PABPN1L: variants seen among roughly 807,000 people sequenced by gnomAD.
The protein encoded by PABPN1L is embryonic polyadenylate-binding protein 2.
PABPN1L carries 45 observed loss-of-function variants against 34.0 expected under a neutral mutation model. The ratio of observed to expected loss-of-function variants is 1.32; its 90% CI spans 1.04 to 1.70. PABPN1L has a LOEUF of 1.70. Ranked by LOEUF, PABPN1L falls within the 40% of genes most tolerant of loss-of-function variation. The probability of loss-of-function intolerance (pLI) is 0.00; values close to 1 mark genes in which losing one functional copy is unlikely to be tolerated. For synonymous variants in PABPN1L, 182 were observed against 152.1 expected (o/e 1.20, Z -1.45); for missense variants, 459 against 367.8 (o/e 1.25, Z -2.03).
intron 2 of PABPN1L, 28 bp downstream of exon 2, chr16:88,865,778 G>A: frequency 6.3e-7 from 1 of 1,587,404 alleles, no homozygotes. Context: ...TTGCTCAGTG[G>A]GGGGCGGCCT....
Position 88,865,547 on chromosome 16 carries a change from C to G in PABPN1L, c.459+16G>C, listed in dbSNP as rs376402718. 6.2e-7 allele frequency: 1 copy of G among 1,609,082 alleles called. No individual in the cohort carries two copies. Among genetic ancestry groups the G allele is most frequent in the South Asian group, 1.1e-5 (1 of 90,070 alleles). On this transcript the variant is annotated intron_variant, in intron 3 of 6. Coordinates refer to ENST00000419291, the Ensembl canonical transcript of PABPN1L. ...CCCCATTCGCTGCCTGCCCCTTCAC[C>G]CCGCCCACCACTCACGTTGCCCACG...
rs779605338 is a variant in PABPN1L, at chr16:88,865,047, CA to C, written c.540del (p.Cys180TrpfsTer14). The C allele has an allele frequency of 2.5e-6, 4 of 1,600,360 alleles. No individual in the cohort carries two copies. Among genetic ancestry groups the C allele is most frequent in the Non-Finnish European group, 3.4e-6 (4 of 1,174,074 alleles). ...CCCTTGGGGTGTCCAGAGAACTTGT[CA>C]CACAGGATCGTGACTCGGTGGACCT... On this transcript the variant is annotated frameshift_variant, in exon 4 of 7. Transcript: ENST00000419291. LOFTEE classifies it high-confidence loss of function.
rs1205966596 is a variant in PABPN1L at position 88,865,909 on chromosome 16, G to A, written c.288C>T (p.Ala96=). ...GTGGCGTCCCCTCGGCCTGCTCCATGGCACACACCTTCATCTTGATGGCCT... is the reference window on the plus strand; with the variant it reads ...GTGGCGTCCCCTCGGCCTGCTCCATAGCACACACCTTCATCTTGATGGCCT... The change falls in exon 2 of 7, where the codon GCC becomes GCT. Residue 96 remains alanine, a synonymous_variant. Coordinates refer to ENST00000419291, the Ensembl canonical transcript of PABPN1L. The A allele has an allele frequency of 2.5e-6, 4 of 1,609,140 alleles. No individual in the cohort carries two copies. In the South Asian group the frequency reaches 3.3e-5, roughly 13 times the overall value.
exon 6 of PABPN1L, chr16:88,864,286 G>C (rs1296189539): frequency 1.9e-6 from 3 of 1,552,686 alleles, no homozygotes; most frequent in East Asian, 2.4e-5. Flanking sequence ...AGGCCGCTGT[G>C]GGGGAAGGGT....
chr16:88,866,595 G>A, exon 1 of PABPN1L: 1 of 1,548,314 alleles, frequency 6.5e-7, no homozygotes, highest in South Asian at 1.2e-5. Context: ...AGCGGCTCGG[G>A]AAGGGCCACA....
At chr16:88,866,242 C>T (rs972342812) in intron 1 of PABPN1L, 110 bp downstream of exon 1, 13 of 1,442,048 alleles carry the variant, frequency 9.0e-6, no homozygotes, top group Non-Finnish European at 1.2e-5. Context: ...GGCAATGGCC[C>T]TCTCCCCTCC....
chr16:88,868,475 G>A (rs1351248060), upstream of PABPN1L, among the ~76,000 whole-genome samples: 3 of 152,118 alleles, frequency 2.0e-5, no homozygotes, highest in East Asian at 1.9e-4. Flanking sequence ...GCATGGTGGC[G>A]GGCGCCTGTA....
At chr16:88,864,776 G>A in intron 5 of PABPN1L, 77 bp downstream of exon 5, 1 of 1,428,762 alleles carries the variant, frequency 7.0e-7, no homozygotes, top group Non-Finnish European at 9.6e-7. Flanking sequence ...GAGCCAGCTG[G>A]GGCTGCTGTG....
exon 5 of PABPN1L, chr16:88,864,911 C>G (rs755491224): frequency 6.7e-7 from 1 of 1,484,084 alleles, no homozygotes; most frequent in Non-Finnish European, 9.1e-7. Context: ...CTGCACGGAG[C>G]CCTTGGTGGC....
Position 88,866,511 on chromosome 16 carries a change from G to C in PABPN1L, c.96C>G (p.Ala32=), listed in dbSNP as rs1202692365. 3.9e-6 allele frequency: 6 copies of C among 1,551,178 alleles called. No homozygotes were observed. In the South Asian group the frequency reaches 7.1e-5, roughly 18 times the overall value. ...CCAGAATCTCCTTGGTCTCGTTCCAGGCCCCCCAGCCCTGGGCCTCAGGGT... is the reference window on the plus strand; with the variant it reads ...CCAGAATCTCCTTGGTCTCGTTCCACGCCCCCCAGCCCTGGGCCTCAGGGT... The change falls in exon 1 of 7, where the codon GCC becomes GCG. Residue 32 remains alanine (A), a synonymous_variant. Coordinates refer to ENST00000419291, the Ensembl canonical transcript of PABPN1L.
exon 1 of PABPN1L, chr16:88,866,433 C>T (rs1241132054): frequency 1.2e-5 from 19 of 1,551,556 alleles, no homozygotes; most frequent in Middle Eastern, 1.7e-4. Flanking sequence ...CCTGGTCTTC[C>T]TCTGCATCCT....
rs764218577 is a variant in PABPN1L at position 88,864,373 on chromosome 16, G to A, written c.661C>T (p.Pro221Ser). The A allele has an allele frequency of 9.6e-5, 150 of 1,554,888 alleles. No individual in the cohort carries two copies. Among genetic ancestry groups the A allele is most frequent in the Non-Finnish European group, 1.3e-4 (144 of 1,149,116 alleles). ...ATCCCAGGGAAGTTGGTTCTTTTCG[G>A]CAGCACCTGGAGCAAAGGCCTGTTT... Residue 221 changes from proline (P) to serine (S), a missense_variant, in exon 6 of 7, where the codon CCG becomes TCG. Transcript: ENST00000419291.
chr16:88,866,848 G>T (rs1802226207), upstream of PABPN1L, among the ~76,000 whole-genome samples: 1 of 152,242 alleles, frequency 6.6e-6, no homozygotes, highest in Non-Finnish European at 1.5e-5. Context: ...AGGCTGAGTT[G>T]AGTGGGGGTC....
At position 88,863,430 on chromosome 16, in the gene PABPN1L, A is replaced by G. The variant is rs745982127; in HGVS notation, c.*326T>C. On this transcript the variant is annotated 3_prime_UTR_variant, in exon 7 of 7. Transcript: ENST00000419291. ...AAATGACTTAGTTGAAGAGCTGAGC[A>G]TGCCAACCCCAAGCTGGCCTGGCAC... 134 of 498,472 alleles carry G rather than the reference A, an allele frequency of 2.7e-4. 1 individual carries two copies. Among genetic ancestry groups the G allele is most frequent in the Non-Finnish European group, 4.3e-4 (120 of 276,042 alleles). The allele number at this position is 498,472 out of a possible 1,614,324, so 30.9% of individuals were successfully genotyped here.
exon 7 of PABPN1L, chr16:88,863,700 A>T (rs1413451394): frequency 1.3e-6 from 2 of 1,524,062 alleles, no homozygotes; most frequent in African/African-American, 1.4e-5. Flanking sequence ...GATGGAGCAC[A>T]AGTGGTTTAC....
intron 6 of PABPN1L, among the ~76,000 whole-genome samples, 152 bp downstream of exon 6, chr16:88,864,085 A>G (rs1184053495): frequency 2.2e-5 from 3 of 136,600 alleles, no homozygotes; most frequent in African/African-American, 3.2e-5. Flanking sequence ...CGCCCCCCCC[A>G]CCAGCTGATG....
chr16:88,866,459 C>A lies in PABPN1L; in HGVS notation c.148G>T (p.Glu50Ter), dbSNP rs1238275034. The change falls in exon 1 of 7, where the codon GAG (glutamate) becomes TAG (stop). Residue 50 changes from glutamate to a stop codon, truncating the protein, a stop_gained. Transcript: ENST00000419291. LOFTEE classifies it high-confidence loss of function. ...TCTGCATCCTCTTCCTCCTCTTTCT[C>A]CTCCTTCCCTTCCCCACCCTCTGGC... is the stretch of plus-strand genomic sequence containing the variant. 6.4e-7 allele frequency: 1 copy of A among 1,551,616 alleles called. No individual in the cohort carries two copies. Among genetic ancestry groups the A allele is most frequent in the Non-Finnish European group, 8.7e-7 (1 of 1,147,192 alleles).
chr16:88,866,001 G>C (rs937161315), intron 1 of PABPN1L, 60 bp from the exon 2 acceptor site: 3 of 1,508,982 alleles, frequency 2.0e-6, no homozygotes, highest in Middle Eastern at 2.4e-4. Flanking sequence ...AAGGAAGGTG[G>C]GTGTGTGGCC....
exon 6 of PABPN1L, chr16:88,864,248 T>C (rs1236180717): frequency 1.3e-6 from 2 of 1,535,838 alleles, no homozygotes; most frequent in Non-Finnish European, 1.7e-6. Context: ...GGTTCTGCCC[T>C]TGTGGTCTGA....
Sources: gnomAD v4.1 joint callset for allele counts (sites outside exome capture counted in the v4.1 genomes callset) on GRCh38, gnomAD v4.1.1 for gene constraint, MANE v1.5 for transcripts, NCBI Gene and HGNC (gene_info 2026-07-23, HGNC 2026-07-21) for gene names.